The following PDE4B variants were observed in gnomAD, a reference collection of about 807,000 sequenced individuals.
PDE4B encodes the protein phosphodiesterase 4B, also known as 3',5'-cyclic-AMP phosphodiesterase 4B.
A neutral mutation model predicts 82.2 loss-of-function variants in PDE4B; 20 were observed. That is an observed-to-expected ratio of 0.24 (90% CI 0.17 to 0.35). The LOEUF is 0.35. PDE4B is among the 10% of genes least tolerant of loss of function. The probability of loss-of-function intolerance (pLI) is 1.00; values close to 1 mark genes in which losing one functional copy is unlikely to be tolerated. For synonymous variants in PDE4B, 320 were observed against 318.9 expected (o/e 1.00, Z -0.04); for missense variants, 655 against 907.2 (o/e 0.72, Z 3.57).
intron 3 of PDE4B, among the ~76,000 whole-genome samples, chr1:66,190,497 C>T (rs1428473783): frequency 2.6e-5 from 4 of 152,188 alleles, no homozygotes; most frequent in African/African-American, 2.4e-5. Context: ...TCATTCTTCC[C>T]AGCCACTTTG....
rs529620713 is a variant in PDE4B at position 66,028,263 on chromosome 1, C to T, written c.281+109428C>T. The stretch of plus-strand genomic sequence containing the variant: ...GCTTGGGGATTCCACCCTCTGAAGC[C>T]ACAGCCTGAGCTGTTTGTTGGCTCC... On this transcript the variant is annotated intron_variant, in intron 3 of 16. Coordinates refer to ENST00000341517, the MANE Select transcript of PDE4B (RefSeq NM_002600.4). 1.9e-4 allele frequency among the ~76,000 whole-genome samples: 29 copies of T among 152,282 alleles called. 1 individual carries two copies. The highest frequency in any genetic ancestry group is 6.7e-4 in the African/African-American group (28 of 41,566).
At chr1:65,863,332 G>T (rs930043244) in intron 1 of PDE4B, among the ~76,000 whole-genome samples, 1 of 152,028 alleles carries the variant, frequency 6.6e-6, no homozygotes, top group Non-Finnish European at 1.5e-5. Context: ...GTTTCTTAAT[G>T]CTGAGTTCTA....
intron 3 of PDE4B, among the ~76,000 whole-genome samples, chr1:66,131,627 ATATATATATATT>A (rs1345208855): frequency 8.5e-6 from 1 of 118,014 alleles, no homozygotes; most frequent in East Asian, 2.7e-4. Context: ...ATATATATAT[ATATATATATATT>A]ACTAACCAGG....
intron 8 of PDE4B, among the ~76,000 whole-genome samples, chr1:66,348,122 G>A (rs1251959668): frequency 6.6e-6 from 1 of 152,160 alleles, no homozygotes; most frequent in Admixed American, 6.5e-5. Flanking sequence ...GCTTCTAGCT[G>A]CGAAATGTTT....
At chr1:66,349,326 G>C (rs754767669) in intron 8 of PDE4B, among the ~76,000 whole-genome samples, 1 of 152,122 alleles carries the variant, frequency 6.6e-6, no homozygotes, top group Non-Finnish European at 1.5e-5. Context: ...ATATATTCAT[G>C]CTTGTTTTTC....
intron 3 of PDE4B, among the ~76,000 whole-genome samples, chr1:66,237,068 G>A (rs1299509613): frequency 6.6e-6 from 1 of 152,132 alleles, no homozygotes; most frequent in Non-Finnish European, 1.5e-5. Flanking sequence ...AAAATATATA[G>A]CTTTTCTATG....
intron 3 of PDE4B, among the ~76,000 whole-genome samples, chr1:66,133,020 G>C (rs1165233837): frequency 1.3e-5 from 2 of 152,106 alleles, no homozygotes; most frequent in Non-Finnish European, 2.9e-5. Flanking sequence ...TGATATACCA[G>C]GGCTACTTGC....
chr1:66,349,443 T>G (rs551914249), intron 8 of PDE4B, among the ~76,000 whole-genome samples: 48 of 152,292 alleles, frequency 3.2e-4, no homozygotes, highest in Admixed American at 2.6e-3. Context: ...ACATGGACAG[T>G]GAGAATGATC....
intron 7 of PDE4B, chr1:66,266,678 G>A (rs746627003): frequency 1.5e-5 from 8 of 528,078 alleles, no homozygotes; most frequent in Non-Finnish European, 2.7e-5. Context: ...TCAGGACAGT[G>A]CATCCACTTT....
chr1:66,204,153 A>C lies in PDE4B; in HGVS notation c.282-43307A>C, dbSNP rs987718881. The stretch of plus-strand genomic sequence containing the variant: ...CCTGGGTATCAGCAGCGGTGGCTGC[A>C]GAACAGCAGATTTTCGTGAACCGCA... On this transcript the variant is annotated intron_variant, in intron 3 of 16. Transcript: ENST00000341517. Among the ~76,000 whole-genome samples the C allele has an allele frequency of 1.1e-4, 16 of 152,362 alleles. No homozygotes were observed. In the South Asian group the frequency reaches 1.9e-3, roughly 18 times the overall value.
At chr1:65,940,168 C>A (rs1336993431) in intron 3 of PDE4B, among the ~76,000 whole-genome samples, 2 of 151,988 alleles carry the variant, frequency 1.3e-5, no homozygotes, top group African/African-American at 2.4e-5. Flanking sequence ...TAATAAATGG[C>A]AGTTATTGTA....
At chr1:66,091,458 A>C (rs1247284784) in intron 3 of PDE4B, among the ~76,000 whole-genome samples, 1 of 152,124 alleles carries the variant, frequency 6.6e-6, no homozygotes, top group Non-Finnish European at 1.5e-5. Flanking sequence ...TGTTAATGAC[A>C]CTAATAAATA....
chr1:66,197,444 A>G lies in PDE4B; in HGVS notation c.282-50016A>G, dbSNP rs572471830. Among the ~76,000 whole-genome samples, 245 of 152,234 alleles carry G rather than the reference A, an allele frequency of 1.6e-3. 2 individuals are homozygous for G. The highest frequency in any genetic ancestry group is 3.4e-3 in the Middle Eastern group (1 of 294). On this transcript the variant is annotated intron_variant, in intron 3 of 16. Coordinates refer to ENST00000341517, the MANE Select transcript of PDE4B (RefSeq NM_002600.4). Reference sequence around the variant, plus strand: ...TTGCAGCAGTCTTTCCTATTATTAGAGGGAGCAAAAAAAATCAGCCAGAGA... The same window carrying G: ...TTGCAGCAGTCTTTCCTATTATTAGGGGGAGCAAAAAAAATCAGCCAGAGA...
intron 4 of PDE4B, among the ~76,000 whole-genome samples, chr1:66,251,460 G>A (rs1653766886): frequency 1.3e-5 from 2 of 152,156 alleles, no homozygotes; most frequent in South Asian, 4.1e-4. Context: ...CAGCTGTTAG[G>A]AGGATCATAT....
chr1:65,984,286 G>A (rs759817963), intron 3 of PDE4B, among the ~76,000 whole-genome samples: 14 of 152,184 alleles, frequency 9.2e-5, no homozygotes, highest in Non-Finnish European at 2.9e-5. Flanking sequence ...ACAAATCAGT[G>A]ATGGAGAACA....
intron 3 of PDE4B, among the ~76,000 whole-genome samples, chr1:66,011,045 C>T (rs1169369956): frequency 6.6e-6 from 1 of 151,442 alleles, no homozygotes; most frequent in Non-Finnish European, 1.5e-5. Context: ...CTATTTTTTT[C>T]ACTCATCAGA....
intron 1 of PDE4B, among the ~76,000 whole-genome samples, chr1:65,804,973 G>A (rs901777790): frequency 2.5e-5 from 3 of 120,416 alleles, no homozygotes; most frequent in African/African-American, 6.1e-5. Context: ...GGGGGTGGGT[G>A]GGGGGTGGGA....
At chr1:66,293,641 A>G (rs1042569937) in intron 7 of PDE4B, among the ~76,000 whole-genome samples, 1 of 152,200 alleles carries the variant, frequency 6.6e-6, no homozygotes, top group African/African-American at 2.4e-5. Flanking sequence ...TTCCCAAGTT[A>G]GTTACATAGT....
chr1:65,972,438 T>G (rs1358161389), intron 3 of PDE4B, among the ~76,000 whole-genome samples: 1 of 152,208 alleles, frequency 6.6e-6, no homozygotes, highest in Admixed American at 6.5e-5. Flanking sequence ...AGTTTTAGAA[T>G]TTTTTCTCGG....
Sources: gnomAD v4.1 joint callset for allele counts (sites outside exome capture counted in the v4.1 genomes callset) on GRCh38, gnomAD v4.1.1 for gene constraint, MANE v1.5 for transcripts, NCBI Gene and HGNC (gene_info 2026-07-23, HGNC 2026-07-21) for gene names.